Variants in GPCPD1 observed in about 807,000 individuals in gnomAD.
GPCPD1 encodes the protein glycerophosphocholine phosphodiesterase GPCPD1.
GPCPD1 carries 29 observed loss-of-function variants against 89.2 expected under a neutral mutation model. That is an observed-to-expected ratio of 0.33 (90% CI 0.24 to 0.44). The LOEUF (loss-of-function observed/expected upper bound fraction) is 0.44, where lower values mean the gene tolerates loss of function less well. GPCPD1 is among the 20% of genes least tolerant of loss of function. The pLI is 1.00. For missense variants in GPCPD1, 594 were observed against 808.9 expected, an observed-to-expected ratio of 0.73 and a Z score of 3.22; for synonymous variants, 258 against 266.3, an observed-to-expected ratio of 0.97 and a Z score of 0.30.
At chr20:5,580,960 A>G (rs1978436177) in intron 6 of GPCPD1, among the ~76,000 whole-genome samples, 1 of 150,568 alleles carries the variant, frequency 6.6e-6, no homozygotes, top group Admixed American at 6.6e-5. Context: ...TGCAGACTCC[A>G]CTTCCCAGGT....
chr20:5,594,037 A>AG (rs1979522047), intron 3 of GPCPD1, among the ~76,000 whole-genome samples: 1 of 152,242 alleles, frequency 6.6e-6, no homozygotes, highest in Non-Finnish European at 1.5e-5. Context: ...TCTTTCTCTG[A>AG]ACTATGTTAT....
Position 5,547,408 on chromosome 20 carries a change from T to C in GPCPD1, c.*253A>G, listed in dbSNP as rs546774639. ...ACATATGTTTAACATTATAGATTTA[T>C]ATATTTAGTTTAAAATATTTATATT... On this transcript the variant is annotated 3_prime_UTR_variant, in exon 20 of 20. Transcript: ENST00000379019. The C allele has an allele frequency of 9.5e-4, 205 of 214,694 alleles. 1 individual carries two copies. The highest frequency in any genetic ancestry group is 4.4e-3 in the African/African-American group (191 of 43,864). The allele number at this position is 214,694 out of a possible 1,614,324, so 13.3% of individuals were successfully genotyped here. A position where few individuals can be genotyped will look rare whatever the true frequency, so the allele number is the denominator to read the frequency against.
chr20:5,573,946 G>T lies in GPCPD1; in HGVS notation c.1025C>A (p.Thr342Asn). The T allele has an allele frequency of 6.6e-7, 1 of 1,516,472 alleles. No individual in the cohort carries two copies. Among genetic ancestry groups the T allele is most frequent in the African/African-American group, 1.4e-5 (1 of 73,314 alleles). 93.9% of individuals were successfully genotyped at this position (1,516,472 alleles called of 1,614,324 possible). The change falls in exon 11 of 20, where the codon ACT becomes AAT. Residue 342 changes from threonine (T) to asparagine (N), a missense_variant. Coordinates refer to ENST00000379019, the MANE Select transcript of GPCPD1 (RefSeq NM_019593.5). ...AGCAGCATTTCTTAAAGAAGCAATAGTATTTTCTTGAACTTTAGCCAGCCT... is the reference window on the plus strand; with the variant it reads ...AGCAGCATTTCTTAAAGAAGCAATATTATTTTCTTGAACTTTAGCCAGCCT... ...TAQLAKVQENTIASLRNAASH... is the reference protein window; with the variant it reads ...TAQLAKVQENNIASLRNAASH...
rs551296982 is a variant in GPCPD1 at position 5,598,488 on chromosome 20, T to G, written c.146+237A>C. ...TATCCTGAGTTGTAAAAATAAAAAA[T>G]ACATCTAAAAAAAAAAAAAGAAATG... On this transcript the variant is annotated intron_variant, in intron 3 of 19. Coordinates refer to ENST00000379019, the MANE Select transcript of GPCPD1 (RefSeq NM_019593.5). 4.3e-4 allele frequency among the ~76,000 whole-genome samples: 59 copies of G among 138,130 alleles called. No homozygotes were observed. In the East Asian group the frequency reaches 0.011, roughly 26 times the overall value. 90.6% of individuals were successfully genotyped at this position (138,130 alleles called of 152,430 possible).
rs1244447357 is a variant in GPCPD1, at chr20:5,546,986, CATTAA to C, written c.*670_*674del. The C allele has an allele frequency of 2.0e-5, 3 of 152,596 alleles. No individual in the cohort carries two copies. Among genetic ancestry groups the C allele is most frequent in the Non-Finnish European group, 4.4e-5 (3 of 68,032 alleles). The allele number at this position is 152,596 out of a possible 1,614,324, so 9.5% of individuals were successfully genotyped here. A position where few individuals can be genotyped will look rare whatever the true frequency, so the allele number is the denominator to read the frequency against. On this transcript the variant is annotated 3_prime_UTR_variant, in exon 20 of 20. Transcript: ENST00000379019. ...TACTTTTTCTTACTAATATTTTATA[CATTAA>C]ATTACCCTGCAGCATTTTGAAATTT...
intron 5 of GPCPD1, 147 bp from the exon 6 acceptor site, chr20:5,584,469 A>T: frequency 2.1e-6 from 1 of 484,136 alleles, no homozygotes; most frequent in Non-Finnish European, 3.8e-6. Context: ...TATTTATTGT[A>T]GCCCTCAATA....
In GPCPD1 at chr20:5,546,559, T is replaced by G. The variant is rs1219317733; in HGVS notation, c.*1102A>C. ...TCTAATCCAAGAAATCCTAGTATAA[T>G]CTGAAATACATGCATATACATTTAG... is the stretch of plus-strand genomic sequence containing the variant. On this transcript the variant is annotated 3_prime_UTR_variant, in exon 20 of 20. Transcript: ENST00000379019. 6.6e-6 allele frequency: 1 copy of G among 152,252 alleles called. No individual in the cohort carries two copies. The highest frequency in any genetic ancestry group is 1.5e-5 in the Non-Finnish European group (1 of 68,044). The allele number at this position is 152,252 out of a possible 1,614,324, so 9.4% of individuals were successfully genotyped here. A position where few individuals can be genotyped will look rare whatever the true frequency, so the allele number is the denominator to read the frequency against.
chr20:5,605,788 A>ACG (rs1980543484), intron 1 of GPCPD1, among the ~76,000 whole-genome samples: 1 of 151,824 alleles, frequency 6.6e-6, no homozygotes, highest in Non-Finnish European at 1.5e-5. Context: ...AACTTTTCAG[A>ACG]TTTTCTCTTT....
chr20:5,607,162 C>T (rs546198677), intron 1 of GPCPD1, among the ~76,000 whole-genome samples: 93 of 152,188 alleles, frequency 6.1e-4, no homozygotes, highest in Non-Finnish European at 1.2e-3. Flanking sequence ...TGGTGGGCAC[C>T]GGTAATCCCA....
chr20:5,586,102 G>T lies in GPCPD1; in HGVS notation c.307+92C>A, dbSNP rs1978902024. The T allele has an allele frequency of 4.9e-6, 3 of 609,070 alleles. No homozygotes were observed. In the East Asian group the frequency reaches 8.6e-5, roughly 17 times the overall value. The allele number at this position is 609,070 out of a possible 1,614,324, so 37.7% of individuals were successfully genotyped here. A position where few individuals can be genotyped will look rare whatever the true frequency, so the allele number is the denominator to read the frequency against. ...TGACAATGCATTGACCTTAACTTTA[G>T]AATAAAAATTTATTAAATCCCACTA... On this transcript the variant is annotated intron_variant, in intron 5 of 19. Transcript: ENST00000379019.
At chr20:5,594,882 C>T (rs1442230454) in intron 3 of GPCPD1, among the ~76,000 whole-genome samples, 2 of 152,204 alleles carry the variant, frequency 1.3e-5, no homozygotes, top group East Asian at 1.9e-4. Flanking sequence ...GTGCTTACTT[C>T]GTGTCTATGT....
intron 12 of GPCPD1, among the ~76,000 whole-genome samples, chr20:5,569,726 T>TC (rs1363342712): frequency 3.9e-5 from 6 of 152,174 alleles, no homozygotes; most frequent in Non-Finnish European, 7.4e-5. Flanking sequence ...ACTGAGGCCC[T>TC]CCACCATCTA....
chr20:5,600,484 T>A (rs2122789834), intron 2 of GPCPD1, among the ~76,000 whole-genome samples: 1 of 150,984 alleles, frequency 6.6e-6, no homozygotes, highest in East Asian at 2.0e-4. Context: ...AGGTCAGGAG[T>A]TCAAGACCAG....
chr20:5,551,071 C>T (rs1315894592), intron 19 of GPCPD1, among the ~76,000 whole-genome samples: 2 of 152,130 alleles, frequency 1.3e-5, no homozygotes, highest in Non-Finnish European at 2.9e-5. Flanking sequence ...GATTAAGTTT[C>T]CACATTACCT....
At chr20:5,606,818 A>G (rs1980617149) in intron 1 of GPCPD1, among the ~76,000 whole-genome samples, 1 of 152,252 alleles carries the variant, frequency 6.6e-6, no homozygotes, top group African/African-American at 2.4e-5. Flanking sequence ...TACATCAATT[A>G]TAAAATGTAA....
At chr20:5,549,529 G>C (rs1985244340) in intron 19 of GPCPD1, 4 of 1,028,840 alleles carry the variant, frequency 3.9e-6, no homozygotes, top group Non-Finnish European at 5.9e-6. Context: ...AAGAGACCAA[G>C]TCAAGCAATC....
Position 5,547,773 on chromosome 20 carries a change from T to C in GPCPD1, c.1907A>G (p.Glu636Gly). The C allele has an allele frequency of 6.2e-7, 1 of 1,611,224 alleles. No individual in the cohort carries two copies. The highest frequency in any genetic ancestry group is 1.1e-5 in the South Asian group (1 of 90,924). Reference protein sequence around the residue: ...QLERLKQELPELKSCLCPTVS... With the variant: ...QLERLKQELPGLKSCLCPTVS... ...AGTGGGACACAAACAGCTCTTAAGC[T>C]CTGGCAATTCCTGCTTCAGGCGTTC... The change falls in exon 20 of 20, where the codon GAG becomes GGG. Residue 636 changes from glutamate to glycine, a missense_variant. By Grantham distance (98) the Glu-to-Gly change is moderately conservative. Transcript: ENST00000379019.
intron 1 of GPCPD1, among the ~76,000 whole-genome samples, chr20:5,608,614 A>C (rs1462979185): frequency 1.2e-5 from 1 of 80,244 alleles, no homozygotes; most frequent in Non-Finnish European, 2.3e-5. Flanking sequence ...CTTCTTCTAA[A>C]CAAGGAAGAA....
Position 5,575,938 on chromosome 20 carries a change from G to A in GPCPD1, c.746C>T (p.Pro249Leu), listed in dbSNP as rs1978287609. ...SEHVVQGDALPGHVGTACLLS... is the reference protein window; with the variant it reads ...SEHVVQGDALLGHVGTACLLS... ...GAGACAAGCTGTACCCACATGTCCA[G>A]GAAGGGCATCACCCTGAACTACGTG... The change falls in exon 9 of 20, where the codon CCT becomes CTT. Residue 249 changes from proline (P) to leucine (L), a missense_variant. By Grantham distance (98) the Pro-to-Leu change is moderately conservative. Transcript: ENST00000379019. The A allele has an allele frequency of 1.2e-6, 2 of 1,604,414 alleles. No homozygotes were observed. The highest frequency in any genetic ancestry group is 2.7e-5 in the African/African-American group (2 of 74,654).
Sources: allele counts gnomAD v4.1 joint callset (sites outside exome capture counted in the v4.1 genomes callset), GRCh38; gene constraint gnomAD v4.1.1; transcripts MANE v1.5; gene names NCBI Gene and HGNC (gene_info 2026-07-23, HGNC 2026-07-21).